The following ERBIN variants were observed in gnomAD, a reference collection of about 807,000 sequenced individuals.
The protein encoded by ERBIN is erbb2 interacting protein, also known as densin-180-like protein.
A neutral mutation model predicts 158.4 loss-of-function variants in ERBIN; 60 were observed. That is an observed-to-expected ratio of 0.38 (90% CI 0.31 to 0.47). ERBIN has a LOEUF of 0.47. Ranked by LOEUF, ERBIN falls within the 20% of genes least tolerant of loss-of-function variation. ERBIN has a pLI of 0.99. For synonymous variants in ERBIN, 594 were observed against 557.2 expected, an observed-to-expected ratio of 1.07 and a Z score of -0.93; for missense variants, 1,610 against 1,648.0, an observed-to-expected ratio of 0.98 and a Z score of 0.40.
chr5:66,017,583 G>T (rs1754923385), intron 7 of ERBIN, among the ~76,000 whole-genome samples: 1 of 144,054 alleles, frequency 6.9e-6, no homozygotes, highest in Admixed American at 7.1e-5. Flanking sequence ...ATTAATTCCT[G>T]TCAGATGGAT....
chr5:66,054,326 C>G lies in ERBIN; in HGVS notation c.3008C>G (p.Ala1003Gly), dbSNP rs576995477. 7 of 1,614,140 alleles carry G rather than the reference C, an allele frequency of 4.3e-6. No homozygotes were observed. In the African/African-American group the frequency reaches 5.3e-5, roughly 12 times the overall value. ...AAACAAAATCCCCAAATAGACCATGCCAGTTTTCCTCCTCAGCTCCTTCCT... is the reference window on the plus strand; with the variant it reads ...AAACAAAATCCCCAAATAGACCATGGCAGTTTTCCTCCTCAGCTCCTTCCT... ...HSKQNPQIDH[A>G]SFPPQLLPRS... Residue 1003 changes from alanine to glycine, a missense_variant, in exon 21 of 26, where the codon GCC becomes GGC. By Grantham distance (60) the Ala-to-Gly change is moderately conservative. This residue lies in a region of ERBIN where 1,014 missense variants were observed against 936.1 expected (regional missense o/e 1.08). Coordinates refer to ENST00000284037, the MANE Select transcript of ERBIN (RefSeq NM_001253697.2).
At chr5:65,950,555 A>G (rs1746376989) in intron 1 of ERBIN, among the ~76,000 whole-genome samples, 1 of 152,218 alleles carries the variant, frequency 6.6e-6, no homozygotes, top group African/African-American at 2.4e-5. Flanking sequence ...CACTTGGGTA[A>G]GGTGGTGTCT....
chr5:66,020,454 G>A (rs1043439386), intron 7 of ERBIN, among the ~76,000 whole-genome samples: 1 of 151,812 alleles, frequency 6.6e-6, no homozygotes, highest in Non-Finnish European at 1.5e-5. Context: ...TACTGATATT[G>A]TGATTATAAC....
chr5:65,979,856 A>G (rs890001118), intron 1 of ERBIN, among the ~76,000 whole-genome samples: 1 of 152,220 alleles, frequency 6.6e-6, no homozygotes, highest in African/African-American at 2.4e-5. Context: ...ATAACAATGT[A>G]TTATCGAATT....
rs556650648 is a variant in ERBIN at position 65,958,325 on chromosome 5, G to GCAA, written c.-57-30307_-57-30305dup. 1.1e-4 allele frequency among the ~76,000 whole-genome samples: 16 copies of GCAA among 152,306 alleles called. No individual in the cohort carries two copies. In the South Asian group the frequency reaches 3.3e-3, roughly 32 times the overall value. On this transcript the variant is annotated intron_variant, in intron 1 of 25. Coordinates refer to ENST00000284037, the MANE Select transcript of ERBIN (RefSeq NM_001253697.2). ...ATCACGCCACTGCACTCCAGCCTGG[G>GCAA]CAACATTGAGCACTGAGTGAACGAG...
chr5:65,949,459 G>T (rs1047859759), intron 1 of ERBIN, among the ~76,000 whole-genome samples: 1 of 152,230 alleles, frequency 6.6e-6, no homozygotes, highest in African/African-American at 2.4e-5. Flanking sequence ...TGAAGGAGGT[G>T]AAGTGAAGTG....
intron 1 of ERBIN, among the ~76,000 whole-genome samples, chr5:65,943,251 G>T (rs1745288147): frequency 6.6e-6 from 1 of 152,190 alleles, no homozygotes; most frequent in Non-Finnish European, 1.5e-5. Context: ...TGTTAGAAGG[G>T]ATGAGAAGGA....
intron 15 of ERBIN, among the ~76,000 whole-genome samples, chr5:66,039,087 CT>C (rs771235924): frequency 4.6e-5 from 7 of 151,358 alleles, no homozygotes; most frequent in Non-Finnish European, 1.0e-4. Context: ...TATGTATCTT[CT>C]TTCTGACACC....
In ERBIN at chr5:65,972,489, C is replaced by T. The variant is rs573710529; in HGVS notation, c.-57-16146C>T. 6.6e-5 allele frequency among the ~76,000 whole-genome samples: 10 copies of T among 151,490 alleles called. No homozygotes were observed. In the South Asian group the frequency reaches 2.1e-3, roughly 31 times the overall value. ...GTATGTGAATGAACTTGGCACTAAGCACCCCATAGTTTCTACAGAAAAATT... is the reference window on the plus strand; with the variant it reads ...GTATGTGAATGAACTTGGCACTAAGTACCCCATAGTTTCTACAGAAAAATT... On this transcript the variant is annotated intron_variant, in intron 1 of 25. Transcript: ENST00000284037.
chr5:65,944,887 A>C (rs1357802162), intron 1 of ERBIN, among the ~76,000 whole-genome samples: 1 of 152,170 alleles, frequency 6.6e-6, no homozygotes, highest in Non-Finnish European at 1.5e-5. Flanking sequence ...GTTACTAGAT[A>C]CATGATTTGC....
chr5:65,932,947 TGC>T (rs1269753419), intron 1 of ERBIN, among the ~76,000 whole-genome samples: 4 of 152,074 alleles, frequency 2.6e-5, no homozygotes, highest in African/African-American at 9.7e-5. Flanking sequence ...TGCACCACCA[TGC>T]CCGGCTAATG....
intron 1 of ERBIN, among the ~76,000 whole-genome samples, chr5:65,950,729 G>C (rs1746395736): frequency 6.6e-6 from 1 of 152,072 alleles, no homozygotes; most frequent in Non-Finnish European, 1.5e-5. Flanking sequence ...ATATTTTCGG[G>C]GAGATACTTT....
intron 2 of ERBIN, among the ~76,000 whole-genome samples, chr5:65,991,027 A>G (rs1347137685): frequency 6.6e-6 from 1 of 152,142 alleles, no homozygotes; most frequent in African/African-American, 2.4e-5. Flanking sequence ...AAGTGCTAGG[A>G]TTACCGGTCT....
chr5:66,014,723 T>C lies in ERBIN; in HGVS notation c.531T>C (p.Pro177=). 1 of 1,423,836 alleles carries C rather than the reference T, an allele frequency of 7.0e-7. No individual in the cohort carries two copies. Among genetic ancestry groups the C allele is most frequent in the Non-Finnish European group, 9.5e-7 (1 of 1,049,758 alleles). The allele number at this position is 1,423,836 out of a possible 1,614,324, so 88.2% of individuals were successfully genotyped here. A position where few individuals can be genotyped will look rare whatever the true frequency, so the allele number is the denominator to read the frequency against. Residue 177 remains proline, a splice_region_variant and synonymous_variant, in exon 7 of 26, where the codon CCT becomes CCC. Coordinates refer to ENST00000284037, the MANE Select transcript of ERBIN (RefSeq NM_001253697.2). ...GAGAAAACCAGTTAAAAATGTTGCC[T>C]AAGTAAGTAAAGGTGCTATTCTTTA... is the stretch of plus-strand genomic sequence containing the variant. The part of the protein sequence containing the change: ...ELRENQLKML[P]KTMNRLTQLE...
chr5:65,993,039 G>A, intron 3 of ERBIN, 132 bp downstream of exon 3: 1 of 631,642 alleles, frequency 1.6e-6, no homozygotes, highest in East Asian at 3.0e-5. Context: ...GTATCGTAGA[G>A]TATGCCGTAC....
At chr5:65,941,768 TGTC>T (rs1745077442) in intron 1 of ERBIN, among the ~76,000 whole-genome samples, 1 of 151,420 alleles carries the variant, frequency 6.6e-6, no homozygotes, top group Non-Finnish European at 1.5e-5. Context: ...TGAGACGGAG[TGTC>T]GTTTTGTCGC....
rs1561379673 is a variant in ERBIN, at chr5:66,018,449, A to AT, written c.534-2872dup. Among the ~76,000 whole-genome samples the AT allele has an allele frequency of 1.6e-4, 7 of 43,138 alleles. No individual in the cohort carries two copies. In the East Asian group the frequency reaches 4.0e-3, roughly 25 times the overall value. The allele number at this position is 43,138 out of a possible 152,430, so 28.3% of individuals were successfully genotyped here. A position where few individuals can be genotyped will look rare whatever the true frequency, so the allele number is the denominator to read the frequency against. On this transcript the variant is annotated intron_variant, in intron 7 of 25. Coordinates refer to ENST00000284037, the MANE Select transcript of ERBIN (RefSeq NM_001253697.2). ...AATAAATTGATATATATAATATAAT[A>AT]TATATTATATTATATAATATATATT...
intron 1 of ERBIN, among the ~76,000 whole-genome samples, chr5:65,987,590 G>A (rs576328200): frequency 4.6e-4 from 70 of 151,992 alleles, no homozygotes; most frequent in African/African-American, 1.7e-3. Context: ...GGTGGCTCAC[G>A]CCTGTTAATC....
chr5:65,959,415 G>A (rs1299254091), intron 1 of ERBIN, among the ~76,000 whole-genome samples: 1 of 152,090 alleles, frequency 6.6e-6, no homozygotes, highest in African/African-American at 2.4e-5. Flanking sequence ...ACAGTTGATA[G>A]TGTCCTTTGT....
Sources: gnomAD v4.1 joint callset for allele counts (sites outside exome capture counted in the v4.1 genomes callset) on GRCh38, gnomAD v4.1.1 for gene constraint, gnomAD v4.1.1 regional missense constraint, MANE v1.5 for transcripts, NCBI Gene and HGNC (gene_info 2026-07-23, HGNC 2026-07-21) for gene names.